The following FAM8A1 variants were observed in gnomAD, a reference collection of about 807,000 sequenced individuals.
The protein encoded by FAM8A1 is family with sequence similarity 8 member A1.
Under a neutral mutation model 38.3 loss-of-function variants are expected in FAM8A1, and 18 were observed. That is an observed-to-expected ratio of 0.47 (90% confidence interval 0.33 to 0.70). The LOEUF (loss-of-function observed/expected upper bound fraction) is 0.70. Ranked by LOEUF, FAM8A1 falls within the 30% of genes least tolerant of loss-of-function variation. The pLI is 0.03. For synonymous variants in FAM8A1, 246 were observed against 234.4 expected (o/e 1.05, Z -0.45); for missense variants, 559 against 559.6 (o/e 1.00, Z 0.01).
In FAM8A1 at chr6:17,602,705, G is replaced by A; in HGVS notation, c.828G>A (p.Gly276=). Residue 276 remains glycine (G), a synonymous_variant, in exon 2 of 5, where the codon GGG becomes GGA. Transcript: ENST00000259963. Reference sequence around the variant, plus strand: ...TCTTAAGCATTATGCACCTCAGTGGGATAAAGTAAGTTGAGGACATTTGCA... The same window carrying A: ...TCTTAAGCATTATGCACCTCAGTGGAATAAAGTAAGTTGAGGACATTTGCA... The part of the protein sequence containing the change: ...TIVLSIMHLS[G]IKDISKFAMH... 1 of 1,601,932 alleles carries A rather than the reference G, an allele frequency of 6.2e-7. No individual in the cohort carries two copies. The highest frequency in any genetic ancestry group is 8.5e-7 in the Non-Finnish European group (1 of 1,176,878).
At chr6:17,603,674 C>T (rs1227483088) in intron 2 of FAM8A1, among the ~76,000 whole-genome samples, 1 of 152,066 alleles carries the variant, frequency 6.6e-6, no homozygotes, top group Non-Finnish European at 1.5e-5. Context: ...ATCTCCTGTG[C>T]CCAAGTGACA....
chr6:17,602,574 T>A lies in FAM8A1; in HGVS notation c.713-16T>A. The A allele has an allele frequency of 6.5e-7, 1 of 1,534,596 alleles. No homozygotes were observed. ...TGATTCGTTTTTCCTAACTTTTTTT[T>A]TTTTTTAATTTACAGGCAGAGAATA... On this transcript the variant is annotated splice_polypyrimidine_tract_variant and intron_variant, in intron 1 of 4. Transcript: ENST00000259963.
rs1032044307 is a variant in FAM8A1, at chr6:17,609,278, A to G, written c.*939A>G. ...TCTCAGTGTTCTCAGTGTAAATTCT[A>G]TTTATATACAGCATATTCACATACT... On this transcript the variant is annotated 3_prime_UTR_variant, in exon 5 of 5. Coordinates refer to ENST00000259963, the MANE Select transcript of FAM8A1 (RefSeq NM_016255.3). The G allele has an allele frequency of 3.9e-5, 6 of 152,168 alleles. No individual in the cohort carries two copies. Among genetic ancestry groups the G allele is most frequent in the East Asian group, 1.9e-4 (1 of 5,200 alleles). 9.4% of individuals were successfully genotyped at this position (152,168 alleles called of 1,614,324 possible).
Position 17,608,208 on chromosome 6 carries a change from G to A in FAM8A1, c.1111G>A (p.Ala371Thr), listed in dbSNP as rs771893231. ...NVSITTSTIRALIKNFSIASF... is the reference protein window; with the variant it reads ...NVSITTSTIRTLIKNFSIASF... ...TTAACTTTTTAGGTCCACTATCCGA[G>A]CTTTGATCAAGAATTTTTCAATTGC... The change falls in exon 5 of 5, where the codon GCT becomes ACT. Residue 371 changes from alanine to threonine, a missense_variant. Around this residue, in one of 2 missense-constraint regions of FAM8A1, gnomAD observed 166 missense variants for 220.8 expected, o/e 0.75. Transcript: ENST00000259963. 5 of 1,613,694 alleles carry A rather than the reference G, an allele frequency of 3.1e-6. No homozygotes were observed. The Admixed American group carries it at 5.0e-5, about 16-fold the overall frequency.
rs1159384137 is a variant in FAM8A1 at position 17,611,678 on chromosome 6, A to AT, written c.*3342dup. On this transcript the variant is annotated 3_prime_UTR_variant, in exon 5 of 5. Coordinates refer to ENST00000259963, the MANE Select transcript of FAM8A1 (RefSeq NM_016255.3). ...ATTTTTAATAATTTGTATGCCACCAATTTGTATTATTTGTCTCAATAAATA... is the reference window on the plus strand; with the variant it reads ...ATTTTTAATAATTTGTATGCCACCAATTTTGTATTATTTGTCTCAATAAATA... 6.6e-6 allele frequency: 1 copy of AT among 152,154 alleles called. No individual in the cohort carries two copies. The highest frequency in any genetic ancestry group is 2.4e-5 in the African/African-American group (1 of 41,432). 9.4% of individuals were successfully genotyped at this position (152,154 alleles called of 1,614,324 possible).
In FAM8A1 at chr6:17,611,139, AAGTATAT is replaced by A. The variant is rs1453390059; in HGVS notation, c.*2802_*2808del. The A allele has an allele frequency of 6.6e-6, 1 of 152,206 alleles. No homozygotes were observed. The highest frequency in any genetic ancestry group is 1.9e-4 in the East Asian group (1 of 5,204). The allele number at this position is 152,206 out of a possible 1,614,324, so 9.4% of individuals were successfully genotyped here. ...AAGCACTCACCTTCCGATTTTACCC[AAGTATAT>A]ATATAGGATAGAAAAAAATGCATTA... On this transcript the variant is annotated 3_prime_UTR_variant, in exon 5 of 5. Coordinates refer to ENST00000259963, the MANE Select transcript of FAM8A1 (RefSeq NM_016255.3).
chr6:17,608,296 T>A lies in FAM8A1; in HGVS notation c.1199T>A (p.Ile400Asn). The A allele has an allele frequency of 6.5e-7, 1 of 1,548,830 alleles. No homozygotes were observed. The highest frequency in any genetic ancestry group is 8.8e-7 in the Non-Finnish European group (1 of 1,138,988). The change falls in exon 5 of 5, where the codon ATT (isoleucine) becomes AAT (asparagine). Residue 400 changes from isoleucine (I) to asparagine (N), a missense_variant. Ile to Asn is a moderately radical substitution (Grantham distance 149). Transcript: ENST00000259963. ...FFQHNRTAYD[I>N]VAGTIVVKRN... ...CAGCATAATCGAACAGCTTATGACA[T>A]TGTAGCAGGAACCATTGTGGTAAAA...
Position 17,600,534 on chromosome 6 carries a change from AC to A in FAM8A1, c.130del (p.Gln44ArgfsTer65), listed in dbSNP as rs1312602114. The A allele has an allele frequency of 2.0e-6, 3 of 1,524,844 alleles. No individual in the cohort carries two copies. Among genetic ancestry groups the A allele is most frequent in the Non-Finnish European group, 2.6e-6 (3 of 1,140,370 alleles). The allele number at this position is 1,524,844 out of a possible 1,614,324, so 94.5% of individuals were successfully genotyped here. On this transcript the variant is annotated frameshift_variant, in exon 1 of 5. Transcript: ENST00000259963. LOFTEE classifies it high-confidence loss of function. Reference sequence around the variant, plus strand: ...ACCGCCGTCCCATGCCCCCGCGACGACCCCCAGGCCGAACCCCAGGCCCCGG... The same window carrying A: ...ACCGCCGTCCCATGCCCCCGCGACGACCCCAGGCCGAACCCCAGGCCCCGG... ...PTTAVPCPRD[D>X]PQAEPQAPGR...
At position 17,600,864 on chromosome 6, in the gene FAM8A1, C is replaced by T. The variant is rs750539045; in HGVS notation, c.455C>T (p.Pro152Leu). 3 of 1,607,922 alleles carry T rather than the reference C, an allele frequency of 1.9e-6. No individual in the cohort carries two copies. The highest frequency in any genetic ancestry group is 1.7e-5 in the Admixed American group (1 of 59,856). ...CCCCAGCCCTCCCCGCAGAGCTTCC[C>T]TTCGGGCGGCGCTGCAGTCCCCCAG... ...CSPQPSPQSF[P>L]SGGAAVPQAA... Residue 152 changes from proline to leucine, a missense_variant, in exon 1 of 5, where the codon CCT becomes CTT. Coordinates refer to ENST00000259963, the MANE Select transcript of FAM8A1 (RefSeq NM_016255.3).
At chr6:17,601,809 C>A (rs879740916) in intron 1 of FAM8A1, among the ~76,000 whole-genome samples, 5 of 150,636 alleles carry the variant, frequency 3.3e-5, no homozygotes, top group Non-Finnish European at 7.4e-5. Context: ...TTGATACTCA[C>A]TGGGTTTATT....
rs769815801 is a variant in FAM8A1 at position 17,601,034 on chromosome 6, G to T, written c.625G>T (p.Val209Leu). ...VAGLGPRAPH[V>L]QASVRATPVT... ...GGGCCTGGGACCCCGGGCTCCTCAC[G>T]TGCAGGCGTCGGTCCGGGCCACTCC... is the stretch of plus-strand genomic sequence containing the variant. The change falls in exon 1 of 5, where the codon GTG becomes TTG. Residue 209 changes from valine to leucine, a missense_variant. Around this residue, in one of 2 missense-constraint regions of FAM8A1, gnomAD observed 393 missense variants for 338.9 expected, o/e 1.16. Transcript: ENST00000259963. The T allele has an allele frequency of 2.5e-6, 4 of 1,591,606 alleles. No homozygotes were observed. The Admixed American group carries it at 7.1e-5, about 28-fold the overall frequency.
chr6:17,609,376 G>T lies in FAM8A1; in HGVS notation c.*1037G>T, dbSNP rs1326908868. On this transcript the variant is annotated 3_prime_UTR_variant, in exon 5 of 5. Transcript: ENST00000259963. ...AGTTAAAAAAATCTTAATATTTCAT[G>T]ATTAACTCTAAGTACTATTAATTAA... 1 of 145,814 alleles carries T rather than the reference G, an allele frequency of 6.9e-6. No homozygotes were observed. Among genetic ancestry groups the T allele is most frequent in the Non-Finnish European group, 1.5e-5 (1 of 65,636 alleles). The allele number at this position is 145,814 out of a possible 1,614,324, so 9.0% of individuals were successfully genotyped here.
At chr6:17,607,811 G>GT (rs1000283608) in intron 4 of FAM8A1, among the ~76,000 whole-genome samples, 1 of 152,162 alleles carries the variant, frequency 6.6e-6, no homozygotes, top group African/African-American at 2.4e-5. Flanking sequence ...TAAAATGCAT[G>GT]TTTTTTCTAT....
chr6:17,609,435 G>A lies in FAM8A1; in HGVS notation c.*1096G>A, dbSNP rs908551017. On this transcript the variant is annotated 3_prime_UTR_variant, in exon 5 of 5. Transcript: ENST00000259963. The stretch of plus-strand genomic sequence containing the variant: ...GAAATATTAGCAATTTTCCCATTAT[G>A]GACTATTCTCTCTAAAGCAAGAGAG... 2.0e-5 allele frequency: 3 copies of A among 151,962 alleles called. No homozygotes were observed. The highest frequency in any genetic ancestry group is 2.0e-4 in the Admixed American group (3 of 15,252). 9.4% of individuals were successfully genotyped at this position (151,962 alleles called of 1,614,324 possible). A position where few individuals can be genotyped will look rare whatever the true frequency, so the allele number is the denominator to read the frequency against.
chr6:17,606,185 A>C (rs1430402582), intron 4 of FAM8A1, among the ~76,000 whole-genome samples, 172 bp downstream of exon 4: 3 of 148,282 alleles, frequency 2.0e-5, no homozygotes, highest in Non-Finnish European at 4.5e-5. Flanking sequence ...TACAGTACAC[A>C]TTTTCAAGAT....
chr6:17,607,421 G>A lies in FAM8A1; in HGVS notation c.1098-774G>A, dbSNP rs993115681. 2.0e-5 allele frequency among the ~76,000 whole-genome samples: 3 copies of A among 149,372 alleles called. No individual in the cohort carries two copies. In the South Asian group the frequency reaches 6.4e-4, roughly 32 times the overall value. ...AATGCTAACAACCTCATAAGATAGA[G>A]ACTATTGATCTATATCTATAGTATC... On this transcript the variant is annotated intron_variant, in intron 4 of 4. Coordinates refer to ENST00000259963, the MANE Select transcript of FAM8A1 (RefSeq NM_016255.3).
intron 2 of FAM8A1, among the ~76,000 whole-genome samples, chr6:17,604,030 G>T (rs1764020557): frequency 6.6e-6 from 1 of 151,892 alleles, no homozygotes; most frequent in Admixed American, 6.6e-5. Flanking sequence ...CATAAATCCT[G>T]GTTCTGTTCC....
At position 17,607,445 on chromosome 6, in the gene FAM8A1, T is replaced by C. The variant is rs369500225; in HGVS notation, c.1098-750T>C. 7.9e-5 allele frequency among the ~76,000 whole-genome samples: 12 copies of C among 151,916 alleles called. No homozygotes were observed. The East Asian group carries it at 1.2e-3, about 15-fold the overall frequency. On this transcript the variant is annotated intron_variant, in intron 4 of 4. Transcript: ENST00000259963. ...AGACTATTGATCTATATCTATAGTA[T>C]CATAAGATACTATAGGTAGTCTCTA...
Position 17,600,988 on chromosome 6 carries a change from C to T in FAM8A1, c.579C>T (p.Ile193=), listed in dbSNP as rs1763977301. ...CTGACCCGCGGACAGCTGCCGGCATCAGCACCCCTGCTCCAGTCGCGGGCC... is the reference window on the plus strand; with the variant it reads ...CTGACCCGCGGACAGCTGCCGGCATTAGCACCCCTGCTCCAGTCGCGGGCC... ...AGPDPRTAAG[I]STPAPVAGLG... is the part of the protein sequence containing the mutation. Residue 193 remains isoleucine (I), a synonymous_variant, in exon 1 of 5, where the codon ATC becomes ATT. Coordinates refer to ENST00000259963, the MANE Select transcript of FAM8A1 (RefSeq NM_016255.3). 1 of 1,592,276 alleles carries T rather than the reference C, an allele frequency of 6.3e-7. No individual in the cohort carries two copies. Among genetic ancestry groups the T allele is most frequent in the South Asian group, 1.1e-5 (1 of 88,930 alleles).
Sources: allele counts gnomAD v4.1 joint callset (sites outside exome capture counted in the v4.1 genomes callset), GRCh38; gene constraint gnomAD v4.1.1; regional missense constraint gnomAD v4.1.1; transcripts MANE v1.5; gene names NCBI Gene and HGNC (gene_info 2026-07-23, HGNC 2026-07-21).